Variants in SOX5 observed in about 807,000 individuals in gnomAD.
SOX5 encodes transcription factor SOX-5.
Under a neutral mutation model 92.0 loss-of-function variants are expected in SOX5, and 9 were observed. The ratio of observed to expected loss-of-function variants is 0.10; its 90% CI spans 0.06 to 0.17. SOX5 has a LOEUF of 0.17. SOX5 is among the 10% of genes least tolerant of loss of function. The pLI, the probability that SOX5 is intolerant of heterozygous loss-of-function variation, is 1.00. For synonymous variants in SOX5, 344 were observed against 336.3 expected (o/e 1.02, Z -0.25); for missense variants, 642 against 944.5 (o/e 0.68, Z 4.20).
chr12:24,368,570 G>A (rs1200467511), exon 2 of SOX5: 1 of 152,142 alleles, frequency 6.6e-6, no homozygotes, highest in Admixed American at 6.5e-5. Context: ...TACCCCAGTA[G>A]GTCGCTAACT....
intron 4 of SOX5, among the ~76,000 whole-genome samples, chr12:24,182,325 G>C (rs1371085174): frequency 1.3e-5 from 2 of 152,106 alleles, no homozygotes; most frequent in Admixed American, 1.3e-4. Context: ...ATAGCTTTGG[G>C]CTTAATTTAA....
chr12:23,551,398 A>T (rs1020824304), intron 11 of SOX5, among the ~76,000 whole-genome samples: 1 of 151,834 alleles, frequency 6.6e-6, no homozygotes, highest in African/African-American at 2.4e-5. Flanking sequence ...TAATATCTCA[A>T]TTTTTTTAGA....
chr12:24,545,065 G>A (rs1952492397), intron 1 of SOX5, among the ~76,000 whole-genome samples: 2 of 151,994 alleles, frequency 1.3e-5, no homozygotes, highest in Non-Finnish European at 1.5e-5. Flanking sequence ...TGACTTAGAC[G>A]TCCACCTGGG....
At chr12:24,396,213 G>C (rs972389625) in intron 1 of SOX5, among the ~76,000 whole-genome samples, 1 of 152,170 alleles carries the variant, frequency 6.6e-6, no homozygotes, top group Admixed American at 6.5e-5. Flanking sequence ...CCCTCTGAGG[G>C]TAAGGCTTTC....
chr12:23,537,944 G>GTT (rs5797021), intron 13 of SOX5, among the ~76,000 whole-genome samples: 2 of 147,888 alleles, frequency 1.4e-5, no homozygotes, highest in Non-Finnish European at 3.0e-5. Context: ...TAGTAATAGC[G>GTT]TTTTTTTTTT....
chr12:23,917,267 G>A (rs1306948208), intron 1 of SOX5, among the ~76,000 whole-genome samples: 2 of 152,164 alleles, frequency 1.3e-5, no homozygotes, highest in East Asian at 1.9e-4. Context: ...CTGGCCGGGC[G>A]CAGTGGCTCA....
At chr12:23,992,385 T>G (rs1331009249) in intron 4 of SOX5, among the ~76,000 whole-genome samples, 1 of 152,178 alleles carries the variant, frequency 6.6e-6, no homozygotes, top group East Asian at 1.9e-4. Context: ...TACTTACTTA[T>G]ATTATTTCAA....
chr12:24,012,879 A>G (rs1052590034), intron 4 of SOX5, among the ~76,000 whole-genome samples: 1 of 152,200 alleles, frequency 6.6e-6, no homozygotes. Flanking sequence ...TCCTAAATCT[A>G]TTCAGTAGAA....
chr12:24,213,482 A>G (rs1380811815), intron 3 of SOX5: 1 of 151,306 alleles, frequency 6.6e-6, no homozygotes, highest in Non-Finnish European at 1.5e-5. Flanking sequence ...GAAAGAAAAT[A>G]TTAAGTGAGA....
intron 4 of SOX5, among the ~76,000 whole-genome samples, chr12:24,083,577 C>A (rs929666520): frequency 6.6e-6 from 1 of 151,952 alleles, no homozygotes; most frequent in African/African-American, 2.4e-5. Context: ...GTTTAGAAGT[C>A]AAAAGGGGAA....
intron 4 of SOX5, among the ~76,000 whole-genome samples, chr12:24,028,728 A>G (rs952420495): frequency 2.0e-5 from 3 of 152,020 alleles, no homozygotes; most frequent in Non-Finnish European, 2.9e-5. Flanking sequence ...ATAATAATGA[A>G]TGTATGCCTC....
chr12:24,087,496 T>A (rs1944144963), intron 4 of SOX5, among the ~76,000 whole-genome samples: 1 of 152,076 alleles, frequency 6.6e-6, no homozygotes. Flanking sequence ...TCAGGCAGAT[T>A]TACTTGGTTA....
intron 2 of SOX5, among the ~76,000 whole-genome samples, chr12:24,337,364 A>T (rs1374198286): frequency 6.7e-6 from 1 of 148,168 alleles, no homozygotes; most frequent in Admixed American, 6.8e-5. Context: ...TAAGAGAGAG[A>T]GAGTTTCACT....
chr12:23,854,315 C>T (rs2096664976), intron 2 of SOX5, among the ~76,000 whole-genome samples: 1 of 151,472 alleles, frequency 6.6e-6, no homozygotes, highest in Admixed American at 6.6e-5. Flanking sequence ...GATTGTGGTC[C>T]TCCCATGCAG....
intron 1 of SOX5, among the ~76,000 whole-genome samples, chr12:24,392,589 G>A (rs1354380023): frequency 6.6e-6 from 1 of 151,916 alleles, no homozygotes; most frequent in Non-Finnish European, 1.5e-5. Context: ...GTCTAAATCA[G>A]TACCCCCAAC....
chr12:24,117,566 TAA>T (rs1185159411), intron 4 of SOX5, among the ~76,000 whole-genome samples: 3 of 152,194 alleles, frequency 2.0e-5, no homozygotes, highest in African/African-American at 7.2e-5. Context: ...GAAAGCAACC[TAA>T]GTGTTCATCA....
intron 3 of SOX5, among the ~76,000 whole-genome samples, chr12:24,236,710 C>T (rs562244061): frequency 6.6e-6 from 1 of 152,320 alleles, no homozygotes; most frequent in African/African-American, 2.4e-5. Flanking sequence ...CAATAAGACA[C>T]CAATTCTTTG....
chr12:24,551,585 C>G (rs1040716625), intron 1 of SOX5, among the ~76,000 whole-genome samples: 1 of 151,916 alleles, frequency 6.6e-6, no homozygotes, highest in African/African-American at 2.4e-5. Flanking sequence ...GAGAACAAAA[C>G]AGATCACACG....
At chr12:23,943,549 G>GA (rs1036525684) in intron 1 of SOX5, among the ~76,000 whole-genome samples, 1 of 151,908 alleles carries the variant, frequency 6.6e-6, no homozygotes, top group Non-Finnish European at 1.5e-5. Flanking sequence ...AAGTTACAGA[G>GA]AAAAATAATA....
Sources: gnomAD v4.1 joint callset for allele counts (sites outside exome capture counted in the v4.1 genomes callset) on GRCh38, gnomAD v4.1.1 for gene constraint, MANE v1.5 for transcripts, NCBI Gene and HGNC (gene_info 2026-07-23, HGNC 2026-07-21) for gene names.